CDH18: variants seen among roughly 807,000 people sequenced by gnomAD.
CDH18 encodes the protein cadherin 18.
A neutral mutation model predicts 67.9 loss-of-function variants in CDH18; 31 were observed. That is an observed-to-expected ratio of 0.46 (90% CI 0.34 to 0.62). The LOEUF (loss-of-function observed/expected upper bound fraction) is 0.62, where lower values mean the gene tolerates loss of function less well. Ranked by LOEUF, CDH18 falls within the 20% of genes least tolerant of loss-of-function variation. The pLI is 0.01. For synonymous variants in CDH18, 362 were observed against 347.2 expected (o/e 1.04, Z -0.48); for missense variants, 890 against 975.5 (o/e 0.91, Z 1.17).
intron 8 of CDH18, among the ~76,000 whole-genome samples, chr5:19,547,835 T>C (rs1415163363): frequency 3.3e-5 from 5 of 152,176 alleles, no homozygotes; most frequent in Non-Finnish European, 7.3e-5. Context: ...GAAGTTGCAA[T>C]TGAATTTTGA....
intron 3 of CDH18, among the ~76,000 whole-genome samples, chr5:19,812,699 A>G (rs1175033639): frequency 1.3e-5 from 2 of 152,122 alleles, no homozygotes; most frequent in Admixed American, 6.6e-5. Flanking sequence ...ATTACAGTAG[A>G]AACGCTTTTA....
At chr5:19,779,517 A>G in intron 3 of CDH18, among the ~76,000 whole-genome samples, 1 of 152,174 alleles carries the variant, frequency 6.6e-6, no homozygotes, top group East Asian at 1.9e-4. Flanking sequence ...TCCTCAATTC[A>G]TGGCTTCCAT....
chr5:20,153,503 T>C (rs2126579845), intron 2 of CDH18, among the ~76,000 whole-genome samples: 1 of 152,248 alleles, frequency 6.6e-6, no homozygotes, highest in South Asian at 2.1e-4. Context: ...AAAGATAAAC[T>C]AGTGATGACA....
intron 1 of CDH18, among the ~76,000 whole-genome samples, chr5:20,445,984 G>C (rs909094465): frequency 2.0e-5 from 3 of 152,080 alleles, no homozygotes; most frequent in Admixed American, 6.5e-5. Context: ...GGTTTGGGCT[G>C]TGTCTGAACG....
intron 9 of CDH18, among the ~76,000 whole-genome samples, chr5:19,536,990 C>T (rs1749515680): frequency 6.6e-6 from 1 of 152,170 alleles, no homozygotes; most frequent in African/African-American, 2.4e-5. Context: ...GCAAATGATA[C>T]AGTCTATGGT....
chr5:19,563,680 T>A (rs1173647273), intron 8 of CDH18, among the ~76,000 whole-genome samples: 1 of 152,216 alleles, frequency 6.6e-6, no homozygotes, highest in African/African-American at 2.4e-5. Flanking sequence ...GATAGCAGTA[T>A]AGAACCCTAC....
intron 1 of CDH18, among the ~76,000 whole-genome samples, chr5:20,483,304 G>A (rs569116471): frequency 6.6e-6 from 1 of 152,092 alleles, no homozygotes; most frequent in Non-Finnish European, 1.5e-5. Flanking sequence ...CCATATTTTT[G>A]AATTGGAAGA....
intron 2 of CDH18, among the ~76,000 whole-genome samples, chr5:20,084,351 GC>G (rs1364960085): frequency 6.6e-6 from 1 of 152,182 alleles, no homozygotes; most frequent in Non-Finnish European, 1.5e-5. Context: ...GGTTCCTATG[GC>G]CTTGGGCAGC....
At chr5:20,266,552 T>C (rs1327348168) in intron 1 of CDH18, among the ~76,000 whole-genome samples, 2 of 145,236 alleles carry the variant, frequency 1.4e-5, no homozygotes, top group African/African-American at 2.5e-5. Context: ...TACAGGCACG[T>C]GCCGGCACGC....
rs60858438 is a variant in CDH18, at chr5:20,573,806, A to AATATATATATATATAT, written c.-580+1640_-580+1655dup. 5.9e-5 allele frequency among the ~76,000 whole-genome samples: 7 copies of AATATATATATATATAT among 119,086 alleles called. 1 individual carries two copies. Among genetic ancestry groups the AATATATATATATATAT allele is most frequent in the Admixed American group, 1.9e-4 (2 of 10,392 alleles). The allele number at this position is 119,086 out of a possible 152,430, so 78.1% of individuals were successfully genotyped here. On this transcript the variant is annotated intron_variant, in intron 1 of 14. Transcript: ENST00000507958. ...TCCCCCAAATATAATACTTAAAAGA[A>AATATATATATATATAT]ATATATATATATATATATATATATA...
chr5:19,991,072 T>C (rs1243578982), upstream of CDH18, among the ~76,000 whole-genome samples: 2 of 152,194 alleles, frequency 1.3e-5, no homozygotes, highest in African/African-American at 2.4e-5. Context: ...GGTCAGACTA[T>C]AGAAACTGGA....
chr5:19,954,015 T>A (rs954334561), intron 2 of CDH18, among the ~76,000 whole-genome samples: 3 of 152,170 alleles, frequency 2.0e-5, no homozygotes, highest in Middle Eastern at 3.4e-3. Flanking sequence ...TCAGATTATT[T>A]TTAGGAGACA....
At chr5:19,502,937 T>C (rs550459384) in intron 11 of CDH18, 55 bp downstream of exon 11, 4 of 996,036 alleles carry the variant, frequency 4.0e-6, no homozygotes, top group South Asian at 2.5e-5. Flanking sequence ...GCCTATTACA[T>C]ATAAGGTCAA....
intron 2 of CDH18, among the ~76,000 whole-genome samples, chr5:19,969,692 T>A (rs1272685935): frequency 2.4e-5 from 3 of 124,268 alleles, no homozygotes; most frequent in African/African-American, 9.3e-5. Context: ...TGGGGACTGT[T>A]GTGTGGTGGG....
intron 1 of CDH18, among the ~76,000 whole-genome samples, chr5:20,268,189 A>G (rs553271741): frequency 1.8e-4 from 28 of 152,090 alleles, no homozygotes; most frequent in Admixed American, 5.2e-4. Flanking sequence ...TCTTTATCCA[A>G]TCCATTACTG....
rs540949623 is a variant in CDH18 at position 20,206,115 on chromosome 5, G to C, written c.-518+49329C>G. On this transcript the variant is annotated intron_variant, in intron 2 of 14. Coordinates refer to the CDH18 transcript ENST00000507958. ...CTTTCAGCTAGACAAACTTTAAAAA[G>C]AAGACCCAAATAAATAAAACCAGAA... is the stretch of plus-strand genomic sequence containing the variant. 5.3e-5 allele frequency among the ~76,000 whole-genome samples: 8 copies of C among 151,696 alleles called. 1 individual carries two copies. The South Asian group carries it at 1.7e-3, about 31-fold the overall frequency.
At chr5:19,785,461 T>C (rs2149793990) in intron 3 of CDH18, among the ~76,000 whole-genome samples, 1 of 150,612 alleles carries the variant, frequency 6.6e-6, no homozygotes, top group Admixed American at 6.6e-5. Flanking sequence ...GAGATCAGCC[T>C]AACCAACATG....
intron 6 of CDH18, among the ~76,000 whole-genome samples, chr5:19,607,737 A>G (rs1748291267): frequency 6.6e-6 from 1 of 151,410 alleles, no homozygotes; most frequent in African/African-American, 2.4e-5. Flanking sequence ...GGTCACAAGA[A>G]ACATTTATAA....
intron 3 of CDH18, among the ~76,000 whole-genome samples, chr5:19,766,842 C>T (rs1451212066): frequency 6.6e-6 from 1 of 152,104 alleles, no homozygotes; most frequent in Non-Finnish European, 1.5e-5. Flanking sequence ...TTGTAATAAG[C>T]TGCCACTCCA....
Sources: allele counts gnomAD v4.1 joint callset (sites outside exome capture counted in the v4.1 genomes callset), GRCh38; gene constraint gnomAD v4.1.1; transcripts MANE v1.5; gene names NCBI Gene and HGNC (gene_info 2026-07-23, HGNC 2026-07-21).